Variants in WDR19 observed in about 807,000 individuals in gnomAD.
The protein encoded by WDR19 is WD repeat domain 19.
In WDR19, 121 loss-of-function variants were observed where a neutral mutation model predicts 180.0. The observed-to-expected ratio is 0.67, with a 90% CI of 0.58 to 0.78. WDR19 has a LOEUF of 0.78. Among genes scored for constraint, WDR19 ranks in the 30% least tolerant of loss-of-function variants. The pLI, the probability that WDR19 is intolerant of heterozygous loss-of-function variation, is 0.00. For synonymous variants in WDR19, 497 were observed against 540.7 expected (o/e 0.92, Z 1.12); for missense variants, 1,450 against 1,640.7 (o/e 0.88, Z 2.01).
chr4:39,264,857 A>G (rs1734628021), intron 28 of WDR19, among the ~76,000 whole-genome samples: 1 of 151,028 alleles, frequency 6.6e-6, no homozygotes. Context: ...AATGTGGTAC[A>G]TTATTTTTCC....
chr4:39,234,876 G>C lies in WDR19; in HGVS notation c.2363+1G>C. 1.3e-6 allele frequency: 2 copies of C among 1,546,944 alleles called. No individual in the cohort carries two copies. The highest frequency in any genetic ancestry group is 1.8e-6 in the Non-Finnish European group (2 of 1,141,192). On this transcript the variant is annotated splice_donor_variant, in intron 20 of 36. Transcript: ENST00000399820. LOFTEE classifies it high-confidence loss of function. The stretch of plus-strand genomic sequence containing the variant: ...AATATGCTATTCAGCTTGAATTCGC[G>C]TAAGTCTTTGTTTTTATACATTTCA...
chr4:39,185,326 G>A (rs1725398941), intron 1 of WDR19, among the ~76,000 whole-genome samples: 1 of 152,196 alleles, frequency 6.6e-6, no homozygotes, highest in Admixed American at 6.5e-5. Context: ...TCATGTTTAA[G>A]ATAGCAATTT....
intron 36 of WDR19, among the ~76,000 whole-genome samples, chr4:39,280,642 CA>C (rs1351523614): frequency 6.6e-6 from 1 of 151,798 alleles, no homozygotes; most frequent in African/African-American, 2.4e-5. Context: ...GCAACAGGCT[CA>C]AAAAACCAAC....
At chr4:39,204,149 A>C (rs1446675788) in intron 7 of WDR19, among the ~76,000 whole-genome samples, 1 of 151,354 alleles carries the variant, frequency 6.6e-6, no homozygotes, top group Non-Finnish European at 1.5e-5. Flanking sequence ...GCAGTGGTGC[A>C]ATCTCAGCTC....
chr4:39,236,652 T>C (rs1328762954), intron 20 of WDR19, among the ~76,000 whole-genome samples: 1 of 152,214 alleles, frequency 6.6e-6, no homozygotes, highest in Non-Finnish European at 1.5e-5. Flanking sequence ...TTTTCTTTCT[T>C]GAGTTGCACA....
intron 29 of WDR19, among the ~76,000 whole-genome samples, chr4:39,267,085 A>G (rs1734878819): frequency 6.6e-6 from 1 of 152,216 alleles, no homozygotes; most frequent in African/African-American, 2.4e-5. Flanking sequence ...TCCATCTCAA[A>G]AAGAAAAAGT....
intron 24 of WDR19, among the ~76,000 whole-genome samples, chr4:39,252,333 G>A (rs1469532418): frequency 3.1e-5 from 4 of 127,104 alleles, no homozygotes; most frequent in Non-Finnish European, 4.7e-5. Flanking sequence ...ACAGGAAGGG[G>A]AACATCACAC....
chr4:39,239,090 C>A (rs1346533600), intron 20 of WDR19, among the ~76,000 whole-genome samples: 1 of 151,936 alleles, frequency 6.6e-6, no homozygotes, highest in Non-Finnish European at 1.5e-5. Flanking sequence ...AATTCTCCTG[C>A]CCTTAGCCTC....
rs137931978 is a variant in WDR19 at position 39,275,707 on chromosome 4, C to G, written c.3716+749C>G. Among the ~76,000 whole-genome samples, 99 of 152,334 alleles carry G rather than the reference C, an allele frequency of 6.5e-4. No homozygotes were observed. The East Asian group carries it at 0.019, about 29-fold the overall frequency. ...TTCACCTCCATGGCCAGTACTCTGC[C>G]TCACAGGACTTAAGGCTGCTAAGTG... On this transcript the variant is annotated intron_variant, in intron 33 of 36. Transcript: ENST00000399820.
At chr4:39,195,775 G>C (rs1257160410) in intron 5 of WDR19, among the ~76,000 whole-genome samples, 1 of 152,160 alleles carries the variant, frequency 6.6e-6, no homozygotes, top group South Asian at 2.1e-4. Context: ...ACTTGAGAAA[G>C]TGCCCTTCCA....
At chr4:39,184,882 T>G (rs1725346968) in intron 1 of WDR19, among the ~76,000 whole-genome samples, 2 of 152,240 alleles carry the variant, frequency 1.3e-5, no homozygotes, top group African/African-American at 4.8e-5. Flanking sequence ...AAATGTACTG[T>G]GAGCTAATGT....
intron 23 of WDR19, 58 bp downstream of exon 23, chr4:39,244,610 G>A: frequency 1.3e-6 from 2 of 1,595,314 alleles, no homozygotes; most frequent in South Asian, 2.2e-5. Context: ...TGCCTCTGGG[G>A]TCTCCCCACT....
chr4:39,276,912 T>A, intron 33 of WDR19, 108 bp from the exon 34 acceptor site: 1 of 1,366,870 alleles, frequency 7.3e-7, no homozygotes, highest in Non-Finnish European at 1.0e-6. Context: ...AGTCTGACTA[T>A]GAAGTAGGTG....
At chr4:39,273,255 AAC>A (rs1243797120) in intron 32 of WDR19, 194 bp downstream of exon 32, 7 of 541,276 alleles carry the variant, frequency 1.3e-5, no homozygotes, top group Non-Finnish European at 2.2e-5. Context: ...TACAAGAGTC[AAC>A]ACACAGTAGT....
intron 29 of WDR19, 64 bp from the exon 30 acceptor site, chr4:39,267,931 C>T: frequency 1.4e-6 from 2 of 1,461,296 alleles, no homozygotes; most frequent in Non-Finnish European, 9.4e-7. Flanking sequence ...AACTGCAATA[C>T]AAAAATGTAA....
At chr4:39,187,777 C>T (rs1418851130) in intron 3 of WDR19, among the ~76,000 whole-genome samples, 2 of 152,154 alleles carry the variant, frequency 1.3e-5, no homozygotes, top group Non-Finnish European at 2.9e-5. Context: ...ATTTCTGTTA[C>T]ATAATGGTCT....
At chr4:39,284,732 G>T (rs1163659850) in intron 36 of WDR19, among the ~76,000 whole-genome samples, 3 of 150,854 alleles carry the variant, frequency 2.0e-5, no homozygotes, top group Non-Finnish European at 3.0e-5. Flanking sequence ...GTGGAACCTT[G>T]TATTTTTAAA....
Position 39,183,250 on chromosome 4 carries a change from C to CTTTTTTTTTTTTTTTTTTT in WDR19, c.6+689_6+707dup, listed in dbSNP as rs113490249. 2.3e-4 allele frequency among the ~76,000 whole-genome samples: 18 copies of CTTTTTTTTTTTTTTTTTTT among 79,250 alleles called. 5 individuals are homozygous for CTTTTTTTTTTTTTTTTTTT. The highest frequency in any genetic ancestry group is 8.5e-4 in the East Asian group (2 of 2,366). 52.0% of individuals were successfully genotyped at this position (79,250 alleles called of 152,430 possible). A position where few individuals can be genotyped will look rare whatever the true frequency, so the allele number is the denominator to read the frequency against. On this transcript the variant is annotated intron_variant, in intron 1 of 36. Coordinates refer to ENST00000399820, the MANE Select transcript of WDR19 (RefSeq NM_025132.4). Reference sequence around the variant, plus strand: ...TCTGCTCTGGCAAAGAAATGGAAGGCTTTTTTTTTTTTTTTTTTTTACTGA... The same window carrying CTTTTTTTTTTTTTTTTTTT: ...TCTGCTCTGGCAAAGAAATGGAAGGCTTTTTTTTTTTTTTTTTTTTTTTTTTTTTTTTTTTTTTTACTGA...
intron 7 of WDR19, among the ~76,000 whole-genome samples, chr4:39,203,930 T>C (rs1402837469): frequency 6.6e-6 from 1 of 152,222 alleles, no homozygotes; most frequent in Non-Finnish European, 1.5e-5. Context: ...AGGACAGCTT[T>C]CTGTTACAAT....
Sources: allele counts gnomAD v4.1 joint callset (sites outside exome capture counted in the v4.1 genomes callset), GRCh38; gene constraint gnomAD v4.1.1; transcripts MANE v1.5; gene names NCBI Gene and HGNC (gene_info 2026-07-23, HGNC 2026-07-21).